STIM1: variants seen among roughly 807,000 people sequenced by gnomAD.
The protein encoded by STIM1 is stromal interaction molecule 1.
A neutral mutation model predicts 74.7 loss-of-function variants in STIM1; 25 were observed. The ratio of observed to expected loss-of-function variants is 0.33; its 90% CI spans 0.24 to 0.47. STIM1 has a LOEUF of 0.47. STIM1 is among the 20% of genes least tolerant of loss of function. The probability of loss-of-function intolerance (pLI) is 1.00; values close to 1 mark genes in which losing one functional copy is unlikely to be tolerated. For synonymous variants in STIM1, 328 were observed against 348.8 expected, an observed-to-expected ratio of 0.94 and a Z score of 0.66; for missense variants, 728 against 920.8, an observed-to-expected ratio of 0.79 and a Z score of 2.71.
intron 1 of STIM1, among the ~76,000 whole-genome samples, chr11:3,896,104 C>T (rs1298439408): frequency 1.3e-5 from 2 of 151,888 alleles, no homozygotes; most frequent in Non-Finnish European, 2.9e-5. Context: ...CGGGGTTTCA[C>T]CATGTTAGCC....
At chr11:3,952,809 A>C (rs2093165505) in intron 1 of STIM1, among the ~76,000 whole-genome samples, 1 of 152,214 alleles carries the variant, frequency 6.6e-6, no homozygotes, top group African/African-American at 2.4e-5. Flanking sequence ...CTTTCAATTC[A>C]GTCAGGAAGG....
intron 3 of STIM1, among the ~76,000 whole-genome samples, chr11:4,037,715 G>A (rs939101891): frequency 2.6e-5 from 4 of 151,852 alleles, no homozygotes; most frequent in Admixed American, 2.0e-4. Context: ...ATATATATAT[G>A]TATATTTTGC....
chr11:4,053,843 A>C (rs1040759169), intron 3 of STIM1, among the ~76,000 whole-genome samples: 1 of 152,180 alleles, frequency 6.6e-6, no homozygotes, highest in African/African-American at 2.4e-5. Flanking sequence ...TCTGGAGTTC[A>C]AGCAATCTCC....
rs201576757 is a variant in STIM1, at chr11:4,070,179, A to G, written c.767A>G (p.Gln256Arg). The G allele has an allele frequency of 1.7e-5, 28 of 1,614,074 alleles. No homozygotes were observed. The highest frequency in any genetic ancestry group is 2.3e-5 in the Non-Finnish European group (27 of 1,180,048). Residue 256 changes from glutamine to arginine, a missense_variant, in exon 6 of 13, where the codon CAG becomes CGG. By Grantham distance (43) the Gln-to-Arg change is conservative. Around this residue, in one of 5 missense-constraint regions of STIM1, gnomAD observed 131 missense variants for 235.9 expected, o/e 0.56. Transcript: ENST00000526596. ...KDLEGLHRAEQSLHDLQERLH... is the reference protein window; with the variant it reads ...KDLEGLHRAERSLHDLQERLH... ...TTGGAGGGGTTACACCGAGCTGAGC[A>G]GAGTCTGCATGACCTTCAGGAAAGG... is the stretch of plus-strand genomic sequence containing the variant.
At chr11:3,925,263 C>T (rs1466282992) in intron 1 of STIM1, among the ~76,000 whole-genome samples, 4 of 152,206 alleles carry the variant, frequency 2.6e-5, no homozygotes, top group East Asian at 3.9e-4. Flanking sequence ...GGCATGGTGG[C>T]GCACGCCTGT....
chr11:4,090,642 T>G (rs1288531533), intron 12 of STIM1, among the ~76,000 whole-genome samples: 1 of 152,140 alleles, frequency 6.6e-6, no homozygotes, highest in Non-Finnish European at 1.5e-5. Flanking sequence ...CTGGATAATA[T>G]CCTAAGGTGT....
At chr11:3,980,624 A>C (rs1178024211) in intron 2 of STIM1, among the ~76,000 whole-genome samples, 2 of 151,822 alleles carry the variant, frequency 1.3e-5, no homozygotes, top group African/African-American at 4.8e-5. Context: ...AAAAAAAAAA[A>C]AAAACCCACA....
At chr11:4,064,024 T>C (rs2094349521) in intron 5 of STIM1, among the ~76,000 whole-genome samples, 1 of 152,192 alleles carries the variant, frequency 6.6e-6, no homozygotes, top group Non-Finnish European at 1.5e-5. Context: ...TCTGCCTAGA[T>C]TTGGGTTTCC....
chr11:3,903,078 A>T (rs935816700), intron 1 of STIM1, among the ~76,000 whole-genome samples: 1 of 152,176 alleles, frequency 6.6e-6, no homozygotes, highest in Non-Finnish European at 1.5e-5. Flanking sequence ...TTAGTAGTTT[A>T]TTCAGATTAG....
chr11:3,895,121 C>T (rs2092020682), intron 1 of STIM1, among the ~76,000 whole-genome samples: 1 of 152,144 alleles, frequency 6.6e-6, no homozygotes, highest in African/African-American at 2.4e-5. Flanking sequence ...GCCAGCAATA[C>T]ATTTGTCACT....
chr11:3,964,321 G>A (rs2093319244), intron 1 of STIM1, among the ~76,000 whole-genome samples: 1 of 152,214 alleles, frequency 6.6e-6, no homozygotes, highest in Non-Finnish European at 1.5e-5. Context: ...AGACTGCTTA[G>A]GACATGCTTG....
chr11:4,021,251 G>T (rs1434035107), intron 2 of STIM1, among the ~76,000 whole-genome samples: 1 of 151,980 alleles, frequency 6.6e-6, no homozygotes, highest in African/African-American at 2.4e-5. Context: ...TCAGCCTCCC[G>T]AGTAACTGGG....
At chr11:3,959,750 A>G (rs999795469) in intron 1 of STIM1, among the ~76,000 whole-genome samples, 6 of 152,190 alleles carry the variant, frequency 3.9e-5, no homozygotes, top group African/African-American at 1.4e-4. Flanking sequence ...TCTTTAGACC[A>G]TGGCGGGTGG....
chr11:3,962,581 A>C (rs1007568436), intron 1 of STIM1, among the ~76,000 whole-genome samples: 1 of 151,980 alleles, frequency 6.6e-6, no homozygotes. Context: ...AGTGGTGGCT[A>C]TCTCTTTATA....
intron 1 of STIM1, among the ~76,000 whole-genome samples, chr11:3,956,549 G>T (rs199971676): frequency 0.029 from 4,367 of 152,158 alleles, 179 homozygotes; most frequent in East Asian, 0.17. Flanking sequence ...TTAGGACTTG[G>T]TAATAGTAAT....
At chr11:3,879,630 T>C (rs2091427976) in intron 1 of STIM1, among the ~76,000 whole-genome samples, 1 of 152,236 alleles carries the variant, frequency 6.6e-6, no homozygotes, top group African/African-American at 2.4e-5. Context: ...CATATTATTG[T>C]AAACAAATTC....
At chr11:4,030,750 A>C (rs1346226881) in intron 3 of STIM1, among the ~76,000 whole-genome samples, 1 of 152,238 alleles carries the variant, frequency 6.6e-6, no homozygotes, top group East Asian at 1.9e-4. Flanking sequence ...TTAAATAGAC[A>C]CTTGAGGATA....
chr11:4,084,201 T>C (rs1017708736), intron 10 of STIM1, among the ~76,000 whole-genome samples: 1 of 152,194 alleles, frequency 6.6e-6, no homozygotes, highest in African/African-American at 2.4e-5. Context: ...TGGCCCACAA[T>C]TGAATTTTTC....
intron 1 of STIM1, among the ~76,000 whole-genome samples, chr11:3,941,136 TTTA>T (rs1265742384): frequency 3.9e-5 from 6 of 152,214 alleles, no homozygotes; most frequent in Non-Finnish European, 8.8e-5. Context: ...TGCTATAATT[TTTA>T]TTGTTATTAT....
Sources: allele counts gnomAD v4.1 joint callset (sites outside exome capture counted in the v4.1 genomes callset), GRCh38; gene constraint gnomAD v4.1.1; regional missense constraint gnomAD v4.1.1; transcripts MANE v1.5; gene names NCBI Gene and HGNC (gene_info 2026-07-23, HGNC 2026-07-21).